DYNLT1: variants seen among roughly 807,000 people sequenced by gnomAD.
DYNLT1 encodes the protein T-complex testis-specific protein 1 homolog.
A neutral mutation model predicts 19.6 loss-of-function variants in DYNLT1; 18 were observed. The observed-to-expected ratio is 0.92, with a 90% confidence interval of 0.64 to 1.36. The LOEUF (loss-of-function observed/expected upper bound fraction) is 1.36. Ranked by LOEUF, DYNLT1 falls within the 40% of genes most tolerant of loss-of-function variation. The pLI, the probability that DYNLT1 is intolerant of heterozygous loss-of-function variation, is 0.00. For synonymous variants in DYNLT1, 56 were observed against 44.0 expected, an observed-to-expected ratio of 1.27 and a Z score of -1.07; for missense variants, 137 against 139.3, an observed-to-expected ratio of 0.98 and a Z score of 0.08.
rs1028066288 is a variant in DYNLT1 at position 158,637,192 on chromosome 6, A to C, written c.207T>G (p.Ile69Met). 7.4e-6 allele frequency: 12 copies of C among 1,614,176 alleles called. No homozygotes were observed. The highest frequency in any genetic ancestry group is 1.0e-5 in the Non-Finnish European group (12 of 1,180,000). The change falls in exon 4 of 5, where the codon ATT (isoleucine) becomes ATG (methionine). Residue 69 changes from isoleucine (I) to methionine (M), a missense_variant. Physicochemically the swap from Ile to Met is conservative, Grantham distance 10. Coordinates refer to ENST00000367089, the MANE Select transcript of DYNLT1 (RefSeq NM_006519.4). ...GTAATCCAGCTCCATTCTTCTGCAT[A>C]ATTACACAGGTCACTTAAGTTAAAA... Reference protein sequence around the residue: ...KPFKYIVTCVIMQKNGAGLHT... With the variant: ...KPFKYIVTCVMMQKNGAGLHT...
chr6:158,640,496 C>T (rs932506429), intron 2 of DYNLT1, among the ~76,000 whole-genome samples: 22 of 152,168 alleles, frequency 1.4e-4, no homozygotes, highest in Middle Eastern at 3.4e-3. Flanking sequence ...GGAATGAGCC[C>T]CTAGCTCTCA....
chr6:158,643,360 G>GA (rs1787200139), intron 1 of DYNLT1, among the ~76,000 whole-genome samples: 1 of 152,152 alleles, frequency 6.6e-6, no homozygotes, highest in African/African-American at 2.4e-5. Flanking sequence ...CACTGATTAT[G>GA]CCACTGTCAC....
In DYNLT1 at chr6:158,637,859, T is replaced by C. The variant is rs61738908; in HGVS notation, c.105A>G (p.Gln35=). ...IESAIGGNAY[Q]HSKVNQWTTN... ...TGGTCCACTGGTTCACTTTGCTGTG[T>C]TGATAAGCGTTACCACCAATTGCGC... The change falls in exon 3 of 5, where the codon CAA becomes CAG. Residue 35 remains glutamine, a synonymous_variant. Transcript: ENST00000367089. The C allele has an allele frequency of 1.8e-3, 2,825 of 1,607,392 alleles. 53 individuals are homozygous for C. The African/African-American group carries it at 0.034, about 19-fold the overall frequency.
Position 158,644,667 on chromosome 6 carries a change from C to T in DYNLT1, c.27+15G>A, listed in dbSNP as rs1280745834. On this transcript the variant is annotated intron_variant, in intron 1 of 4. Coordinates refer to ENST00000367089, the MANE Select transcript of DYNLT1 (RefSeq NM_006519.4). ...CTCTAGGCCTCCACCCTTCCGTCGCCGACCCGGCGGTTACCTCCTCCGCAG... is the reference window on the plus strand; with the variant it reads ...CTCTAGGCCTCCACCCTTCCGTCGCTGACCCGGCGGTTACCTCCTCCGCAG... 1 of 1,611,978 alleles carries T rather than the reference C, an allele frequency of 6.2e-7. No homozygotes were observed. The highest frequency in any genetic ancestry group is 1.7e-5 in the Admixed American group (1 of 60,014).
At chr6:158,637,546 C>A in intron 3 of DYNLT1, 1 of 677,230 alleles carries the variant, frequency 1.5e-6, no homozygotes, top group Non-Finnish European at 2.5e-6. Flanking sequence ...GTTCTAAAAG[C>A]ATCTGATGGG....
In DYNLT1 at chr6:158,637,902, A is replaced by G. The variant is rs368367909; in HGVS notation, c.70-8T>C. ...AATTGCGCTTTCTATAGCCTAGAAA[A>G]CAAAGCACAAAGCGCGTCCCGGTTA... On this transcript the variant is annotated splice_polypyrimidine_tract_variant and splice_region_variant and intron_variant, in intron 2 of 4. Coordinates refer to ENST00000367089, the MANE Select transcript of DYNLT1 (RefSeq NM_006519.4). 6.2e-7 allele frequency: 1 copy of G among 1,600,636 alleles called. No individual in the cohort carries two copies. The highest frequency in any genetic ancestry group is 8.5e-7 in the Non-Finnish European group (1 of 1,179,758).
intron 2 of DYNLT1, among the ~76,000 whole-genome samples, chr6:158,639,946 TG>T (rs1433870490): frequency 6.6e-6 from 1 of 152,056 alleles, no homozygotes; most frequent in African/African-American, 2.4e-5. Flanking sequence ...CCCAATGTGC[TG>T]GGATGACAGG....
At position 158,643,512 on chromosome 6, in the gene DYNLT1, G is replaced by C. The variant is rs554616171; in HGVS notation, c.27+1170C>G. Among the ~76,000 whole-genome samples, 16 of 151,966 alleles carry C rather than the reference G, an allele frequency of 1.1e-4. No homozygotes were observed. In the South Asian group the frequency reaches 2.7e-3, roughly 26 times the overall value. On this transcript the variant is annotated intron_variant, in intron 1 of 4. Transcript: ENST00000367089. ...TTTTTGGTTTTTGAGACGGAGTTTCGCTCTTGTTGCCCAGGCTGGAGTGCA... is the reference window on the plus strand; with the variant it reads ...TTTTTGGTTTTTGAGACGGAGTTTCCCTCTTGTTGCCCAGGCTGGAGTGCA...
chr6:158,637,341 C>G, intron 3 of DYNLT1, 136 bp from the exon 4 acceptor site: 1 of 737,528 alleles, frequency 1.4e-6, no homozygotes, highest in African/African-American at 1.8e-5. Context: ...GGACAGATTG[C>G]CTTGTCTCAC....
chr6:158,644,249 C>A (rs1787268124), intron 1 of DYNLT1, among the ~76,000 whole-genome samples: 1 of 151,898 alleles, frequency 6.6e-6, no homozygotes. Context: ...GGGGAGACGT[C>A]CAAGCCTCGG....
At chr6:158,637,270 T>C (rs1787028791) in intron 3 of DYNLT1, 65 bp from the exon 4 acceptor site, 11 of 1,464,320 alleles carry the variant, frequency 7.5e-6, no homozygotes, top group Non-Finnish European at 1.0e-5. Flanking sequence ...TTCTGTCCAC[T>C]TTTAGCAAAC....
At chr6:158,637,382 TTACAACATCCCA>T (rs1410467895) in intron 3 of DYNLT1, 177 bp from the exon 4 acceptor site, 3 of 641,308 alleles carry the variant, frequency 4.7e-6, no homozygotes, top group Non-Finnish European at 8.3e-6. Flanking sequence ...GCTCCTTGAC[TTACAACATCCCA>T]TAAACCCATC....
chr6:158,641,185 G>A, intron 2 of DYNLT1, 134 bp downstream of exon 2: 1 of 694,734 alleles, frequency 1.4e-6, no homozygotes, highest in Non-Finnish European at 2.3e-6. Context: ...GCTATTTACT[G>A]AAGTAAAAAC....
Position 158,637,206 on chromosome 6 carries a change from C to T in DYNLT1, c.194-1G>A. The T allele has an allele frequency of 6.2e-7, 1 of 1,613,154 alleles. No individual in the cohort carries two copies. Among genetic ancestry groups the T allele is most frequent in the South Asian group, 1.1e-5 (1 of 90,794 alleles). On this transcript the variant is annotated splice_acceptor_variant, in intron 3 of 4. Coordinates refer to ENST00000367089, the MANE Select transcript of DYNLT1 (RefSeq NM_006519.4). LOFTEE classifies it high-confidence loss of function. ...TTCTTCTGCATAATTACACAGGTCA[C>T]TTAAGTTAAAACAAATTTTTGTTAG...
At chr6:158,640,124 TG>T (rs1466432472) in intron 2 of DYNLT1, among the ~76,000 whole-genome samples, 2 of 152,172 alleles carry the variant, frequency 1.3e-5, no homozygotes, top group Admixed American at 6.5e-5. Context: ...CCCACCTTCC[TG>T]CCCCCTGCTG....
chr6:158,643,701 G>A (rs1353006136), intron 1 of DYNLT1, among the ~76,000 whole-genome samples: 1 of 152,078 alleles, frequency 6.6e-6, no homozygotes, highest in Non-Finnish European at 1.5e-5. Flanking sequence ...GGCTGCTCTC[G>A]AACTCCTGAC....
chr6:158,643,742 A>G (rs1481389334), intron 1 of DYNLT1, among the ~76,000 whole-genome samples: 2 of 152,204 alleles, frequency 1.3e-5, no homozygotes. Flanking sequence ...AGGCCTCCCA[A>G]AGTGCTGGGA....
In DYNLT1 at chr6:158,637,590, G is replaced by A. The variant is rs1180471246; in HGVS notation, c.193+181C>T. 22 of 872,178 alleles carry A rather than the reference G, an allele frequency of 2.5e-5. 1 individual carries two copies. The highest frequency in any genetic ancestry group is 4.0e-5 in the Non-Finnish European group (22 of 544,116). The allele number at this position is 872,178 out of a possible 1,614,324, so 54.0% of individuals were successfully genotyped here. A position where few individuals can be genotyped will look rare whatever the true frequency, so the allele number is the denominator to read the frequency against. On this transcript the variant is annotated intron_variant, in intron 3 of 4. Coordinates refer to ENST00000367089, the MANE Select transcript of DYNLT1 (RefSeq NM_006519.4). ...TAAGATCCCGCTTCACATACGATCT[G>A]CAATTGTACCAGCAGCCAAATGGTC...
chr6:158,643,598 C>T (rs567868355), intron 1 of DYNLT1, among the ~76,000 whole-genome samples: 20 of 152,192 alleles, frequency 1.3e-4, no homozygotes, highest in Non-Finnish European at 7.3e-5. Context: ...TCTCCTGCCT[C>T]GGCCTCCCGA....
Sources: allele counts gnomAD v4.1 joint callset (sites outside exome capture counted in the v4.1 genomes callset), GRCh38; gene constraint gnomAD v4.1.1; transcripts MANE v1.5; gene names NCBI Gene and HGNC (gene_info 2026-07-23, HGNC 2026-07-21).